The following TNXB variants were observed in gnomAD, a reference collection of about 807,000 sequenced individuals.
The protein encoded by TNXB is tenascin XB, also known as tenascin-X.
TNXB carries 183 observed loss-of-function variants against 340.5 expected under a neutral mutation model. That is an observed-to-expected ratio of 0.54 (90% confidence interval 0.48 to 0.61). The LOEUF is 0.61. TNXB is among the 20% of genes least tolerant of loss of function. The pLI, the probability that TNXB is intolerant of heterozygous loss-of-function variation, is 0.00. For synonymous variants in TNXB, 2,121 were observed against 2,314.5 expected (o/e 0.92, Z 2.40); for missense variants, 4,613 against 5,446.4 (o/e 0.85, Z 4.82).
At chr6:32,106,389 T>TC (rs1472255380) in intron 1 of TNXB, among the ~76,000 whole-genome samples, 1 of 151,902 alleles carries the variant, frequency 6.6e-6, no homozygotes, top group Non-Finnish European at 1.5e-5. Flanking sequence ...GCCCAGCTCT[T>TC]CCAGACCAGA....
At position 32,070,333 on chromosome 6, in the gene TNXB, C is replaced by G; in HGVS notation, c.5072G>C (p.Arg1691Pro). 1 of 1,610,688 alleles carries G rather than the reference C, an allele frequency of 6.2e-7. No homozygotes were observed. Among genetic ancestry groups the G allele is most frequent in the Non-Finnish European group, 8.5e-7 (1 of 1,178,826 alleles). Residue 1691 changes from arginine to proline, a missense_variant, in exon 14 of 44, where the codon CGC (arginine) becomes CCC (proline). Transcript: ENST00000644971. This position sits in a 1 kb window ranked among gnomAD's most constrained non-coding sequence, Gnocchi z 6.0. Reference sequence around the variant, plus strand: ...GCCCTCAGGAACCGTCCAGGAGAGGCGCAGTGAGTCTGGGGTGGGGTCTGT... The same window carrying G: ...GCCCTCAGGAACCGTCCAGGAGAGGGGCAGTGAGTCTGGGGTGGGGTCTGT... ...WVTDPTPDSL[R>P]LSWTVPEGQF...
rs1562816565 is a variant in TNXB, at chr6:32,062,916, G to A, written c.6842-433C>T. ...TAAAAATACAAAAAATTAGCCAGGC[G>A]TGTTGGCGGGCACCTGTAGTCCCAG... On this transcript the variant is annotated intron_variant, in intron 19 of 43. Transcript: ENST00000644971. This position sits in a 1 kb window ranked among gnomAD's most constrained non-coding sequence, Gnocchi z 4.3. Among the ~76,000 whole-genome samples the A allele has an allele frequency of 6.6e-6, 1 of 151,820 alleles. No individual in the cohort carries two copies. The highest frequency in any genetic ancestry group is 2.1e-4 in the South Asian group (1 of 4,802).
Position 32,089,525 on chromosome 6 carries a change from T to C in TNXB, c.2359-146A>G. On this transcript the variant is annotated intron_variant, in intron 4 of 43. Transcript: ENST00000644971. The surrounding 1 kb of genome is among the most constrained non-coding windows in gnomAD (Gnocchi z 6.2). Reference sequence around the variant, plus strand: ...CCCTGTACAAGCTGGGGAGCAAACATGCTGAGAGCGCTAACTCCTTGTGAG... The same window carrying C: ...CCCTGTACAAGCTGGGGAGCAAACACGCTGAGAGCGCTAACTCCTTGTGAG... 1.8e-6 allele frequency: 2 copies of C among 1,087,626 alleles called. No homozygotes were observed. Among genetic ancestry groups the C allele is most frequent in the South Asian group, 1.8e-5 (1 of 54,868 alleles). The allele number at this position is 1,087,626 out of a possible 1,614,324, so 67.4% of individuals were successfully genotyped here. A position where few individuals can be genotyped will look rare whatever the true frequency, so the allele number is the denominator to read the frequency against.
In TNXB at chr6:32,067,527, C is replaced by G; in HGVS notation, c.6544+134G>C. ...TTGCTCTCTCTGTCCCCAGATCACA[C>G]CTGTCCTGAGCCTTTAGTGAACAGG... On this transcript the variant is annotated intron_variant, in intron 18 of 43. Coordinates refer to ENST00000644971, the MANE Select transcript of TNXB (RefSeq NM_001365276.2). The surrounding 1 kb of genome is among the most constrained non-coding windows in gnomAD (Gnocchi z 4.2). The G allele has an allele frequency of 7.9e-7, 1 of 1,273,838 alleles. No individual in the cohort carries two copies. The highest frequency in any genetic ancestry group is 1.0e-6 in the Non-Finnish European group (1 of 952,674). The allele number at this position is 1,273,838 out of a possible 1,614,324, so 78.9% of individuals were successfully genotyped here. A position where few individuals can be genotyped will look rare whatever the true frequency, so the allele number is the denominator to read the frequency against.
rs774971864 is a variant in TNXB at position 32,079,064 on chromosome 6, G to A, written c.4344C>T (p.Arg1448=). 7.4e-5 allele frequency: 120 copies of A among 1,613,158 alleles called. No individual in the cohort carries two copies. The highest frequency in any genetic ancestry group is 9.7e-5 in the Non-Finnish European group (114 of 1,179,754). The change falls in exon 11 of 44, where the codon CGC becomes CGT. Residue 1448 remains arginine (R), a synonymous_variant. Coordinates refer to ENST00000644971, the MANE Select transcript of TNXB (RefSeq NM_001365276.2). The surrounding 1 kb of genome is among the most constrained non-coding windows in gnomAD (Gnocchi z 7.1). ...MHLYGLHEGQ[R]VGPVSAVGVT... is the part of the protein sequence containing the mutation. ...CGCCCACGGCGGACACCGGGCCCAC[G>A]CGCTGCCCCTCGTGGAGGCCGTACA...
rs1366497635 is a variant in TNXB at position 32,095,656 on chromosome 6, T to G, written c.2197A>C (p.Ser733Arg). The G allele has an allele frequency of 6.2e-7, 1 of 1,613,986 alleles. No individual in the cohort carries two copies. Among genetic ancestry groups the G allele is most frequent in the South Asian group, 1.1e-5 (1 of 91,088 alleles). The change falls in exon 3 of 44, where the codon AGC becomes CGC. Residue 733 changes from serine to arginine, a missense_variant. Transcript: ENST00000644971. ...GCATACCCATCTTTGCAGACACAGC[T>G]GCCATCGTGACACTCTCCTCGGCCA... is the stretch of plus-strand genomic sequence containing the variant. ...CRGRGECHDG[S>R]CVCKDGYAGE...
chr6:32,099,440 C>G (rs1356738688), intron 1 of TNXB, among the ~76,000 whole-genome samples: 1 of 152,102 alleles, frequency 6.6e-6, no homozygotes, highest in African/African-American at 2.4e-5. Flanking sequence ...ACCATGTAGG[C>G]AGGCTGGTCT....
chr6:32,057,771 T>A (rs1777755701), intron 22 of TNXB, among the ~76,000 whole-genome samples: 1 of 152,202 alleles, frequency 6.6e-6, no homozygotes. Flanking sequence ...AGCTAAGGCA[T>A]GCCTGGCCTC....
Position 32,070,192 on chromosome 6 carries a change from C to T in TNXB, c.5213G>A (p.Arg1738Lys), listed in dbSNP as rs1778679147. 6.2e-7 allele frequency: 1 copy of T among 1,611,444 alleles called. No individual in the cohort carries two copies. Among genetic ancestry groups the T allele is most frequent in the African/African-American group, 1.3e-5 (1 of 74,888 alleles). The change falls in exon 14 of 44, where the codon AGA becomes AAA. Residue 1738 changes from arginine (R) to lysine (K), a missense_variant. By Grantham distance (26) the Arg-to-Lys change is conservative. This residue lies in a region of TNXB where 4,327 missense variants were observed against 4,859.4 expected (regional missense o/e 0.89). Coordinates refer to ENST00000644971, the MANE Select transcript of TNXB (RefSeq NM_001365276.2). The surrounding 1 kb of genome is among the most constrained non-coding windows in gnomAD (Gnocchi z 6.0). Reference sequence around the variant, plus strand: ...GCCCAGGAGGCCATAGAGGAGGAATCTGTACTTGCGGCCGGCATCCAGAGG... The same window carrying T: ...GCCCAGGAGGCCATAGAGGAGGAATTTGTACTTGCGGCCGGCATCCAGAGG... ...VTPLDAGRKY[R>K]FLLYGLLGKK...
In TNXB at chr6:32,067,650, T is replaced by A. The variant is rs9469080; in HGVS notation, c.6544+11A>T. The A allele has an allele frequency of 6.2e-7, 1 of 1,611,666 alleles. No homozygotes were observed. ...AGACCCAACCCAGAGGGCTCTGCAG[T>A]GCACACTCACCCGTGACGCCCACAG... On this transcript the variant is annotated intron_variant, in intron 18 of 43. Coordinates refer to ENST00000644971, the MANE Select transcript of TNXB (RefSeq NM_001365276.2). This position sits in a 1 kb window ranked among gnomAD's most constrained non-coding sequence, Gnocchi z 4.2.
Position 32,058,080 on chromosome 6 carries a change from C to A in TNXB, c.7803G>T (p.Pro2601=). The A allele has an allele frequency of 1.2e-6, 2 of 1,610,796 alleles. No homozygotes were observed. Among genetic ancestry groups the A allele is most frequent in the South Asian group, 2.2e-5 (2 of 91,000 alleles). The change falls in exon 22 of 44, where the codon CCG becomes CCT. Residue 2601 remains proline (P), a synonymous_variant. Coordinates refer to ENST00000644971, the MANE Select transcript of TNXB (RefSeq NM_001365276.2). The surrounding 1 kb of genome is among the most constrained non-coding windows in gnomAD (Gnocchi z 5.1). Reference sequence around the variant, plus strand: ...CACCTGTGACGCCCACGGCAGACACCGGGCCCAGGCGCCGCCCCTCGTGGA... The same window carrying A: ...CACCTGTGACGCCCACGGCAGACACAGGGCCCAGGCGCCGCCCCTCGTGGA... ...YGLHEGRRLG[P]VSAVGVTEDE...
rs896439232 is a variant in TNXB at position 32,085,933 on chromosome 6, C to T, written c.2965G>A (p.Ala989Thr). 6.2e-7 allele frequency: 1 copy of T among 1,608,404 alleles called. No individual in the cohort carries two copies. Among genetic ancestry groups the T allele is most frequent in the Non-Finnish European group, 8.5e-7 (1 of 1,178,834 alleles). Reference protein sequence around the residue: ...VVWTAQPDTFAYFQLRMRVPE... With the variant: ...VVWTAQPDTFTYFQLRMRVPE... ...ACCCGCATGCGCAGTTGGAAGTAGGCAAAGGTGTCAGGCTGGGCGGTCCAG... is the reference window on the plus strand; with the variant it reads ...ACCCGCATGCGCAGTTGGAAGTAGGTAAAGGTGTCAGGCTGGGCGGTCCAG... The change falls in exon 7 of 44, where the codon GCC (alanine) becomes ACC (threonine). Residue 989 changes from alanine (A) to threonine (T), a missense_variant. Physicochemically the swap from Ala to Thr is moderately conservative, Grantham distance 58. Transcript: ENST00000644971. This position sits in a 1 kb window ranked among gnomAD's most constrained non-coding sequence, Gnocchi z 6.4.
At position 32,068,520 on chromosome 6, in the gene TNXB, T is replaced by C. The variant is rs1366972578; in HGVS notation, c.6090A>G (p.Ala2030=). 6.2e-6 allele frequency: 10 copies of C among 1,613,964 alleles called. No individual in the cohort carries two copies. The highest frequency in any genetic ancestry group is 4.5e-5 in the East Asian group (2 of 44,886). ...CTTCCTCGTGCCCTGGCACCCTCACTGCCTTGGGCTGCCCATCTCCATTCC... is the reference window on the plus strand; with the variant it reads ...CTTCCTCGTGCCCTGGCACCCTCACCGCCTTGGGCTGCCCATCTCCATTCC... ...QYRNGDGQPK[A]VRVPGHEEGV... Residue 2030 remains alanine, a synonymous_variant, in exon 17 of 44, where the codon GCA becomes GCG. Coordinates refer to ENST00000644971, the MANE Select transcript of TNXB (RefSeq NM_001365276.2). This position sits in a 1 kb window ranked among gnomAD's most constrained non-coding sequence, Gnocchi z 5.3.
In TNXB at chr6:32,047,234, AG is replaced by A. The variant is rs71536103; in HGVS notation, c.10324+499del. Among the ~76,000 whole-genome samples the A allele has an allele frequency of 6.6e-6, 1 of 152,212 alleles. No homozygotes were observed. The highest frequency in any genetic ancestry group is 6.5e-5 in the Admixed American group (1 of 15,290). On this transcript the variant is annotated intron_variant, in intron 30 of 43. Transcript: ENST00000644971. The surrounding 1 kb of genome is among the most constrained non-coding windows in gnomAD (Gnocchi z 6.2). ...GACTCATGGTCCTGGGAGTGGGGTG[AG>A]GGTCGGTGACCCACCACACCCCTTC...
In TNXB at chr6:32,043,518, T is replaced by G. The variant is rs1377082407; in HGVS notation, c.11569A>C (p.Thr3857Pro). The G allele has an allele frequency of 5.0e-6, 4 of 805,826 alleles. No individual in the cohort carries two copies. Among genetic ancestry groups the G allele is most frequent in the Non-Finnish European group, 4.0e-6 (2 of 502,068 alleles). The allele number at this position is 805,826 out of a possible 1,614,324, so 49.9% of individuals were successfully genotyped here. A position where few individuals can be genotyped will look rare whatever the true frequency, so the allele number is the denominator to read the frequency against. Residue 3857 changes from threonine to proline, a missense_variant, in exon 36 of 44, where the codon ACC (threonine) becomes CCC (proline). Thr to Pro is a conservative substitution (Grantham distance 38). Coordinates refer to ENST00000644971, the MANE Select transcript of TNXB (RefSeq NM_001365276.2). ...GPTQLRALNL[T>P]EGFAVLHWKP... is the part of the protein sequence containing the mutation. ...CAGTGCAGCACGGCGAATCCCTCGGTCAAGTTCAGTGCACGCAACTGTGTG... is the reference window on the plus strand; with the variant it reads ...CAGTGCAGCACGGCGAATCCCTCGGGCAAGTTCAGTGCACGCAACTGTGTG...
rs35800696 is a variant in TNXB at position 32,101,077 on chromosome 6, CAAA to C, written c.-8-2874_-8-2872del. Among the ~76,000 whole-genome samples the C allele has an allele frequency of 3.7e-3, 172 of 46,948 alleles. 2 individuals carry two copies. In the East Asian group the frequency reaches 0.078, roughly 21 times the overall value. The allele number at this position is 46,948 out of a possible 152,430, so 30.8% of individuals were successfully genotyped here. On this transcript the variant is annotated intron_variant, in intron 1 of 43. Transcript: ENST00000644971. ...TGAGAGGAAGAGTGAAACTCCATCT[CAAA>C]AAAAAAAAAAAAAAAAAAAAAATCT...
rs571935195 is a variant in TNXB, at chr6:32,064,274, T to G, written c.6841+547A>C. Among the ~76,000 whole-genome samples the G allele has an allele frequency of 6.6e-6, 1 of 152,234 alleles. No homozygotes were observed. The highest frequency in any genetic ancestry group is 6.5e-5 in the Admixed American group (1 of 15,286). ...GTCACACAGGCTGGAGTGCAGTGGC[T>G]CGATCTCGGCTCACTGCAACCTCCG... On this transcript the variant is annotated intron_variant, in intron 19 of 43. Coordinates refer to ENST00000644971, the MANE Select transcript of TNXB (RefSeq NM_001365276.2). The surrounding 1 kb of genome is among the most constrained non-coding windows in gnomAD (Gnocchi z 5.3).
chr6:32,084,468 C>T lies in TNXB; in HGVS notation c.3390G>A (p.Leu1130=), dbSNP rs776117880. The change falls in exon 8 of 44, where the codon CTG becomes CTA. Residue 1130 remains leucine (L), a synonymous_variant. Transcript: ENST00000644971. The surrounding 1 kb of genome is among the most constrained non-coding windows in gnomAD (Gnocchi z 5.5). The part of the protein sequence containing the change: ...LDPGRKYKFV[L]YGFVGKKRHG... ...GCCTCTTCTTGCCAACAAACCCATA[C>T]AGGACAAATTTGTACTTGCGGCCAG... 6.2e-7 allele frequency: 1 copy of T among 1,606,330 alleles called. No homozygotes were observed. Among genetic ancestry groups the T allele is most frequent in the East Asian group, 2.2e-5 (1 of 44,816 alleles).
chr6:32,043,592 G>C (rs71565305), intron 35 of TNXB, 36 bp from the exon 36 acceptor site: 2 of 1,199,076 alleles, frequency 1.7e-6, no homozygotes, highest in Non-Finnish European at 2.4e-6. Flanking sequence ...GGGTCCCCGC[G>C]GCTCTCTCTA....
Sources: allele counts gnomAD v4.1 joint callset (sites outside exome capture counted in the v4.1 genomes callset), GRCh38; gene constraint gnomAD v4.1.1; regional missense constraint gnomAD v4.1.1; non-coding constraint Gnocchi (gnomAD v3.1); transcripts MANE v1.5; gene names NCBI Gene and HGNC (gene_info 2026-07-23, HGNC 2026-07-21).